ANKRD53: variants seen among roughly 807,000 people sequenced by gnomAD.
The protein encoded by ANKRD53 is ankyrin repeat domain-containing protein 53.
ANKRD53 carries 27 observed loss-of-function variants against 30.1 expected under a neutral mutation model. The observed-to-expected ratio is 0.90, with a 90% confidence interval of 0.66 to 1.24. ANKRD53 has a LOEUF of 1.24. Ranked by LOEUF, ANKRD53 falls within the 50% of genes most tolerant of loss-of-function variation. The pLI is 0.00. For missense variants in ANKRD53, 682 were observed against 721.0 expected (o/e 0.95, Z 0.62); for synonymous variants, 286 against 295.4 (o/e 0.97, Z 0.33).
At chr2:70,981,215 CT>C (rs1430376648) in intron 3 of ANKRD53, among the ~76,000 whole-genome samples, 2 of 152,212 alleles carry the variant, frequency 1.3e-5, no homozygotes, top group Non-Finnish European at 2.9e-5. Context: ...GCACTATGTG[CT>C]AAGCACTATG....
chr2:70,985,312 C>T lies in ANKRD53; in HGVS notation c.*12C>T, dbSNP rs769409340. ...AAACCAACCCATAAAGTTATTATGGCTACCTCTCCCCCTGAGGCAGCCCAG... is the reference window on the plus strand; with the variant it reads ...AAACCAACCCATAAAGTTATTATGGTTACCTCTCCCCCTGAGGCAGCCCAG... On this transcript the variant is annotated 3_prime_UTR_variant, in exon 6 of 6. Transcript: ENST00000360589. 1 of 1,447,194 alleles carries T rather than the reference C, an allele frequency of 6.9e-7. No homozygotes were observed. 89.6% of individuals were successfully genotyped at this position (1,447,194 alleles called of 1,614,324 possible).
At position 70,984,137 on chromosome 2, in the gene ANKRD53, T is replaced by C. The variant is rs782183943; in HGVS notation, c.904-474T>C. On this transcript the variant is annotated intron_variant, in intron 5 of 5. Coordinates refer to ENST00000360589, the MANE Select transcript of ANKRD53 (RefSeq NM_001115116.2). ...TCTCTTTCCAGGGTCAAGGATGCAGTGTGCACTTCCCATTTGCCTTTTCCC... is the reference window on the plus strand; with the variant it reads ...TCTCTTTCCAGGGTCAAGGATGCAGCGTGCACTTCCCATTTGCCTTTTCCC... The C allele has an allele frequency of 8.1e-6, 13 of 1,613,708 alleles. No individual in the cohort carries two copies. The South Asian group carries it at 9.9e-5, about 12-fold the overall frequency.
chr2:70,981,838 G>A (rs2104855728), intron 3 of ANKRD53, 98 bp from the exon 4 acceptor site: 4 of 1,341,122 alleles, frequency 3.0e-6, no homozygotes, highest in East Asian at 2.6e-5. Context: ...ACTGATGGTA[G>A]AGCAGGGCTT....
At chr2:70,984,039 C>T in intron 5 of ANKRD53, 1 of 1,331,782 alleles carries the variant, frequency 7.5e-7, no homozygotes, top group East Asian at 2.3e-5. Context: ...ACTGTATCCT[C>T]CCTACATGAC....
At position 70,984,502 on chromosome 2, in the gene ANKRD53, C is replaced by T. The variant is rs550503223; in HGVS notation, c.904-109C>T. ...TCCCTCCCATCAGACTCAGAGTTTC[C>T]CTCATCCTTCAGACTGTGGTTTCCG... On this transcript the variant is annotated intron_variant, in intron 5 of 5. Transcript: ENST00000360589. 4.4e-5 allele frequency: 68 copies of T among 1,535,360 alleles called. 2 individuals are homozygous for T. In the South Asian group the frequency reaches 8.6e-4, roughly 19 times the overall value.
In ANKRD53 at chr2:70,984,957, A is replaced by G. The variant is rs1339292809; in HGVS notation, c.1250A>G (p.Glu417Gly). The change falls in exon 6 of 6, where the codon GAG (glutamate) becomes GGG (glycine). Residue 417 changes from glutamate to glycine, a missense_variant. Physicochemically the swap from Glu to Gly is moderately conservative, Grantham distance 98. Transcript: ENST00000360589. Reference sequence around the variant, plus strand: ...GGCGTGCATCCAGACCCCACTCCGGAGCACGACTTCAGCAGCTTCCTGGAG... The same window carrying G: ...GGCGTGCATCCAGACCCCACTCCGGGGCACGACTTCAGCAGCTTCCTGGAG... ...RLGVHPDPTP[E>G]HDFSSFLEVR... 2 of 1,550,214 alleles carry G rather than the reference A, an allele frequency of 1.3e-6. No homozygotes were observed. The highest frequency in any genetic ancestry group is 1.4e-5 in the African/African-American group (1 of 73,142).
rs1553424363 is a variant in ANKRD53, at chr2:70,984,735, A to G, written c.1028A>G (p.Glu343Gly). 1.2e-6 allele frequency: 2 copies of G among 1,605,328 alleles called. No individual in the cohort carries two copies. The highest frequency in any genetic ancestry group is 4.5e-5 in the East Asian group (2 of 44,574). ...GCCACCGCCCTCTCCAAGACCCCAG[A>G]GCAACGGGAATCGCAGCGTTCCAGG... Reference protein sequence around the residue: ...ARATALSKTPEQRESQRSRSF... With the variant: ...ARATALSKTPGQRESQRSRSF... Residue 343 changes from glutamate (E) to glycine (G), a missense_variant, in exon 6 of 6, where the codon GAG (glutamate) becomes GGG (glycine). Transcript: ENST00000360589.
intron 3 of ANKRD53, among the ~76,000 whole-genome samples, chr2:70,980,575 G>C (rs1669977687): frequency 6.6e-6 from 1 of 152,152 alleles, no homozygotes; most frequent in Non-Finnish European, 1.5e-5. Flanking sequence ...CCGGGAGGTG[G>C]AGGTTGCGGT....
At chr2:70,983,868 T>G (rs150365941) in intron 5 of ANKRD53, among the ~76,000 whole-genome samples, 224 of 152,338 alleles carry the variant, frequency 1.5e-3, no homozygotes, top group African/African-American at 4.4e-3. Flanking sequence ...AGCCTGTGCC[T>G]GGAGCTGGGT....
Position 70,982,095 on chromosome 2 carries a change from T to TG in ANKRD53, c.778dup (p.Ala260GlyfsTer19). ...GCAAAATATGGAACCACCGTGCCTGTGCCCGGTGAGAGTGTGAGAACCACC... is the reference window on the plus strand; with the variant it reads ...GCAAAATATGGAACCACCGTGCCTGTGGCCCGGTGAGAGTGTGAGAACCACC... On this transcript the variant is annotated frameshift_variant, in exon 4 of 6. Transcript: ENST00000360589. LOFTEE classifies it high-confidence loss of function. The surrounding 1 kb of genome is among the most constrained non-coding windows in gnomAD (Gnocchi z 4.2). The TG allele has an allele frequency of 6.2e-7, 1 of 1,604,462 alleles. No homozygotes were observed. The highest frequency in any genetic ancestry group is 8.5e-7 in the Non-Finnish European group (1 of 1,174,742).
At chr2:70,983,018 G>A (rs1553423957) in intron 5 of ANKRD53, among the ~76,000 whole-genome samples, 2 of 152,186 alleles carry the variant, frequency 1.3e-5, no homozygotes, top group East Asian at 1.9e-4. Flanking sequence ...GCCTGTAACT[G>A]GGGCTCACAC....
chr2:70,978,785 C>A lies in ANKRD53; in HGVS notation c.140C>A (p.Thr47Asn). Residue 47 changes from threonine to asparagine, a missense_variant, in exon 1 of 6, where the codon ACC (threonine) becomes AAC (asparagine). Thr to Asn is a moderately conservative substitution (Grantham distance 65, BLOSUM62 0). Coordinates refer to ENST00000360589, the MANE Select transcript of ANKRD53 (RefSeq NM_001115116.2). The surrounding 1 kb of genome is among the most constrained non-coding windows in gnomAD (Gnocchi z 4.3). ...QQANKVSLKA[T>N]WTDAESKQPS... Reference sequence around the variant, plus strand: ...GCGAACAAAGTCTCCTTGAAGGCCACCTGGACTGACGCGGAGTCCAAGCAG... The same window carrying A: ...GCGAACAAAGTCTCCTTGAAGGCCAACTGGACTGACGCGGAGTCCAAGCAG... 3 of 1,571,772 alleles carry A rather than the reference C, an allele frequency of 1.9e-6. No homozygotes were observed. Among genetic ancestry groups the A allele is most frequent in the Middle Eastern group, 1.9e-4 (1 of 5,344 alleles).
rs1319099842 is a variant in ANKRD53 at position 70,982,816 on chromosome 2, C to T, written c.903+119C>T. ...AAGCACTCCCACCCTGAAAGAGCCA[C>T]CCTTTCGCCTGTACTCCCACCGGGT... On this transcript the variant is annotated intron_variant, in intron 5 of 5. Coordinates refer to ENST00000360589, the MANE Select transcript of ANKRD53 (RefSeq NM_001115116.2). The surrounding 1 kb of genome is among the most constrained non-coding windows in gnomAD (Gnocchi z 4.2). 1.5e-6 allele frequency: 2 copies of T among 1,365,074 alleles called. No individual in the cohort carries two copies. The highest frequency in any genetic ancestry group is 1.4e-5 in the African/African-American group (1 of 69,012). The allele number at this position is 1,365,074 out of a possible 1,614,324, so 84.6% of individuals were successfully genotyped here. A position where few individuals can be genotyped will look rare whatever the true frequency, so the allele number is the denominator to read the frequency against.
Position 70,981,987 on chromosome 2 carries a change from G to A in ANKRD53, c.669G>A (p.Leu223=). ...TGCACCTGGCAGCCCGTGACGGCTT[G>A]CTGGACTGTGTGAAGGTCCTGGTGC... The part of the protein sequence containing the change: ...TPLHLAARDG[L]LDCVKVLVQS... Residue 223 remains leucine, a synonymous_variant, in exon 4 of 6, where the codon TTG becomes TTA. Coordinates refer to ENST00000360589, the MANE Select transcript of ANKRD53 (RefSeq NM_001115116.2). The A allele has an allele frequency of 6.2e-7, 1 of 1,612,952 alleles. No individual in the cohort carries two copies. Among genetic ancestry groups the A allele is most frequent in the South Asian group, 1.1e-5 (1 of 90,928 alleles).
In ANKRD53 at chr2:70,982,323, C is replaced by A; in HGVS notation, c.782+223C>A. Reference sequence around the variant, plus strand: ...CCCCTGCTCTCTGGGTTGATCACTGCCCTCCTTTCCTGCCCTGGGGCCCCT... The same window carrying A: ...CCCCTGCTCTCTGGGTTGATCACTGACCTCCTTTCCTGCCCTGGGGCCCCT... On this transcript the variant is annotated intron_variant, in intron 4 of 5. Coordinates refer to ENST00000360589, the MANE Select transcript of ANKRD53 (RefSeq NM_001115116.2). The surrounding 1 kb of genome is among the most constrained non-coding windows in gnomAD (Gnocchi z 4.2). 1 of 724,124 alleles carries A rather than the reference C, an allele frequency of 1.4e-6. No homozygotes were observed. The highest frequency in any genetic ancestry group is 2.2e-6 in the Non-Finnish European group (1 of 457,070). 44.9% of individuals were successfully genotyped at this position (724,124 alleles called of 1,614,324 possible). A position where few individuals can be genotyped will look rare whatever the true frequency, so the allele number is the denominator to read the frequency against.
chr2:70,978,536 G>A, upstream of ANKRD53: 1 of 1,302,818 alleles, frequency 7.7e-7, no homozygotes, highest in Non-Finnish European at 1.0e-6. This position sits in a 1 kb window ranked among gnomAD's most constrained non-coding sequence, Gnocchi z 4.3. Context: ...CTAGCGGCCT[G>A]GAAGGGGCCG....
intron 2 of ANKRD53, 144 bp downstream of exon 2, chr2:70,979,487 G>A (rs1188005457): frequency 3.4e-6 from 5 of 1,472,790 alleles, no homozygotes; most frequent in Non-Finnish European, 4.5e-6. Flanking sequence ...CCATTTTGGG[G>A]GCAGGGAGGT....
At chr2:70,978,503 C>A, upstream of ANKRD53, 1 of 1,020,256 alleles carries the variant, frequency 9.8e-7, no homozygotes, top group Non-Finnish European at 1.3e-6. This position sits in a 1 kb window ranked among gnomAD's most constrained non-coding sequence, Gnocchi z 4.3. Flanking sequence ...CTCTGCCCCT[C>A]CAGCTAGAGA....
chr2:70,984,202 T>C (rs1670100170), intron 5 of ANKRD53: 4 of 1,614,232 alleles, frequency 2.5e-6, no homozygotes, highest in Non-Finnish European at 3.4e-6. Flanking sequence ...GACATTTCTC[T>C]ACTATCAGAC....
Sources: gnomAD v4.1 joint callset for allele counts (sites outside exome capture counted in the v4.1 genomes callset) on GRCh38, gnomAD v4.1.1 for gene constraint, Gnocchi (gnomAD v3.1) non-coding constraint, MANE v1.5 for transcripts, NCBI Gene and HGNC (gene_info 2026-07-23, HGNC 2026-07-21) for gene names.